UNC13C: variants seen among roughly 807,000 people sequenced by gnomAD.
UNC13C encodes the protein unc-13 homolog C, also known as protein unc-13 homolog C.
In UNC13C, 174 loss-of-function variants were observed where a neutral mutation model predicts 245.4. The observed-to-expected ratio is 0.71, with a 90% CI of 0.63 to 0.80. The LOEUF is 0.80. Among genes scored for constraint, UNC13C ranks in the 30% least tolerant of loss-of-function variants. The pLI, the probability that UNC13C is intolerant of heterozygous loss-of-function variation, is 0.00. For missense variants in UNC13C, 2,829 were observed against 2,602.9 expected (o/e 1.09, Z -1.89); for synonymous variants, 992 against 895.1 (o/e 1.11, Z -1.93).
At chr15:54,594,351 G>C (rs1254860105) in intron 30 of UNC13C, among the ~76,000 whole-genome samples, 1 of 152,030 alleles carries the variant, frequency 6.6e-6, no homozygotes, top group Non-Finnish European at 1.5e-5. Flanking sequence ...GTAGTAGTGT[G>C]GAGAAGGACC....
At chr15:54,228,978 T>C (rs191936524) in intron 4 of UNC13C, among the ~76,000 whole-genome samples, 15 of 152,294 alleles carry the variant, frequency 9.8e-5, no homozygotes, top group African/African-American at 2.9e-4. Context: ...CCCAACAGCA[T>C]TGTAGCCTTT....
At chr15:54,538,030 A>G (rs1896061996) in intron 26 of UNC13C, among the ~76,000 whole-genome samples, 1 of 149,462 alleles carries the variant, frequency 6.7e-6, no homozygotes, top group South Asian at 2.1e-4. Flanking sequence ...CTATTGTCAG[A>G]GTAAACAGAC....
intron 17 of UNC13C, among the ~76,000 whole-genome samples, chr15:54,369,043 G>A (rs561901949): frequency 6.6e-6 from 1 of 152,138 alleles, no homozygotes; most frequent in East Asian, 1.9e-4. Flanking sequence ...ATTTGTTCAA[G>A]TATAACTTAT....
rs2036505521 is a variant in UNC13C, at chr15:54,264,539, C to T, written c.3676+144C>T. On this transcript the variant is annotated intron_variant, in intron 9 of 32. Transcript: ENST00000260323. ...ATGAACAAGACTAGTTGGTACTTCA[C>T]ATTTTGAAAATACATACTAGATAAG... is the stretch of plus-strand genomic sequence containing the variant. 8.9e-6 allele frequency: 6 copies of T among 676,112 alleles called. No homozygotes were observed. In the East Asian group the frequency reaches 1.6e-4, roughly 19 times the overall value. The allele number at this position is 676,112 out of a possible 1,614,324, so 41.9% of individuals were successfully genotyped here.
chr15:54,199,286 A>G (rs2034449558), intron 4 of UNC13C, among the ~76,000 whole-genome samples: 1 of 152,198 alleles, frequency 6.6e-6, no homozygotes, highest in South Asian at 2.1e-4. Context: ...ATAATTGAGG[A>G]AACCTTCCCC....
At chr15:53,890,751 CTCTTT>C in the UNC13C span, among the ~76,000 whole-genome samples, 46,613 of 151,452 alleles carry the variant, frequency 0.31, 7,589 homozygotes, top group Middle Eastern at 0.39. Flanking sequence ...TGATTCTTCT[CTCTTT>C]TCTTCTTTGT....
intron 17 of UNC13C, among the ~76,000 whole-genome samples, chr15:54,346,326 A>G (rs940923402): frequency 2.6e-5 from 4 of 152,206 alleles, no homozygotes; most frequent in South Asian, 2.1e-4. Flanking sequence ...ATAATCTCTG[A>G]TATTAAAACC....
At chr15:54,126,627 A>G (rs1441883406) in intron 2 of UNC13C, among the ~76,000 whole-genome samples, 2 of 152,196 alleles carry the variant, frequency 1.3e-5, no homozygotes, top group Non-Finnish European at 2.9e-5. Flanking sequence ...TGTAGGCAAT[A>G]CCATTCAGGA....
At chr15:54,004,869 T>C (rs921098868) in intron 1 of UNC13C, among the ~76,000 whole-genome samples, 37 of 152,348 alleles carry the variant, frequency 2.4e-4, no homozygotes, top group African/African-American at 8.2e-4. Flanking sequence ...ATTTTCTTCC[T>C]GTAGAGTTGT....
chr15:54,492,253 A>G (rs948322303), intron 19 of UNC13C, among the ~76,000 whole-genome samples: 3 of 152,122 alleles, frequency 2.0e-5, no homozygotes, highest in Non-Finnish European at 1.5e-5. Context: ...GTGTTCTCAG[A>G]TACAGTTTAT....
intron 17 of UNC13C, among the ~76,000 whole-genome samples, chr15:54,356,618 C>G (rs1388905184): frequency 6.6e-6 from 1 of 152,084 alleles, no homozygotes; most frequent in Non-Finnish European, 1.5e-5. Context: ...AGCTTTCAGC[C>G]TCTTTCATTA....
intron 2 of UNC13C, among the ~76,000 whole-genome samples, chr15:54,140,329 A>G (rs1174445517): frequency 3.3e-5 from 5 of 152,104 alleles, no homozygotes; most frequent in Admixed American, 2.6e-4. Context: ...AGCTTATTAA[A>G]ATTGTCCATT....
chr15:53,986,247 C>G (rs559994208), intron 1 of UNC13C, among the ~76,000 whole-genome samples: 13 of 152,046 alleles, frequency 8.6e-5, no homozygotes, highest in African/African-American at 2.9e-4. Flanking sequence ...CTTGTTTGAA[C>G]TTGAAATGGG....
At chr15:53,874,989 A>T in the UNC13C span, among the ~76,000 whole-genome samples, 1 of 152,212 alleles carries the variant, frequency 6.6e-6, no homozygotes, top group Middle Eastern at 3.4e-3. Context: ...GCTACTTGAG[A>T]GGCTGAGGCA....
At chr15:53,961,697 A>G in the UNC13C span, among the ~76,000 whole-genome samples, 5 of 152,376 alleles carry the variant, frequency 3.3e-5, no homozygotes, top group South Asian at 1.0e-3. Flanking sequence ...GTTTTTAGCC[A>G]TTGAATAATA....
intron 7 of UNC13C, among the ~76,000 whole-genome samples, chr15:54,248,489 T>A (rs2036055887): frequency 6.6e-6 from 1 of 152,206 alleles, no homozygotes; most frequent in South Asian, 2.1e-4. Flanking sequence ...AATACATGCT[T>A]CTAATTCTCA....
intron 19 of UNC13C, among the ~76,000 whole-genome samples, chr15:54,449,746 T>A (rs1012924531): frequency 6.6e-6 from 1 of 152,178 alleles, no homozygotes; most frequent in Admixed American, 6.5e-5. Flanking sequence ...TGGAGAAGTT[T>A]GATCGTCAGA....
chr15:53,904,820 A>T, the UNC13C span, among the ~76,000 whole-genome samples: 1 of 152,284 alleles, frequency 6.6e-6, no homozygotes, highest in East Asian at 1.9e-4. Flanking sequence ...ACCTTGGGCA[A>T]GTTACTTAGC....
intron 20 of UNC13C, among the ~76,000 whole-genome samples, chr15:54,494,992 G>T (rs1376957496): frequency 6.6e-6 from 1 of 151,970 alleles, no homozygotes; most frequent in Non-Finnish European, 1.5e-5. Flanking sequence ...TGGCTCATGT[G>T]ATAACATGAA....
Sources: allele counts gnomAD v4.1 joint callset (sites outside exome capture counted in the v4.1 genomes callset), GRCh38; gene constraint gnomAD v4.1.1; transcripts MANE v1.5; gene names NCBI Gene and HGNC (gene_info 2026-07-23, HGNC 2026-07-21).